The following PDZRN3 variants were observed in gnomAD, a reference collection of about 807,000 sequenced individuals.
PDZRN3 encodes E3 ubiquitin-protein ligase PDZRN3.
A neutral mutation model predicts 85.7 loss-of-function variants in PDZRN3; 38 were observed. The ratio of observed to expected loss-of-function variants is 0.44; its 90% CI spans 0.34 to 0.58. The LOEUF is 0.58. PDZRN3 is among the 20% of genes least tolerant of loss of function. The pLI is 0.01. For missense variants in PDZRN3, 1,629 were observed against 1,506.4 expected (o/e 1.08, Z -1.35); for synonymous variants, 759 against 638.0 (o/e 1.19, Z -2.86).
rs372786175 is a variant in PDZRN3 at position 73,435,897 on chromosome 3, C to T, written c.919-31502G>A. The stretch of plus-strand genomic sequence containing the variant: ...TGAAACCCAAATTCTTCACCAGCGC[C>T]TATAGTGCTCTGTAAAATCTCACCT... On this transcript the variant is annotated intron_variant, in intron 3 of 9. Transcript: ENST00000263666. Among the ~76,000 whole-genome samples the T allele has an allele frequency of 8.5e-5, 13 of 152,318 alleles. No individual in the cohort carries two copies. In the East Asian group the frequency reaches 2.3e-3, roughly 27 times the overall value.
intron 3 of PDZRN3, among the ~76,000 whole-genome samples, chr3:73,582,496 GT>G (rs1342064244): frequency 3.3e-5 from 5 of 151,862 alleles, no homozygotes; most frequent in Admixed American, 3.3e-4. Flanking sequence ...AAAACAAAAT[GT>G]ATATTTTATA....
In PDZRN3 at chr3:73,400,984, C is replaced by T. The variant is rs1027129073; in HGVS notation, c.1192G>A (p.Asp398Asn). 8 of 1,613,200 alleles carry T rather than the reference C, an allele frequency of 5.0e-6. No homozygotes were observed. The African/African-American group carries it at 9.3e-5, about 19-fold the overall frequency. Reference protein sequence around the residue: ...EEHPSAHEYYDPNDYIGDIHQ... With the variant: ...EEHPSAHEYYNPNDYIGDIHQ... ...ATGTCTCCAATGTAGTCATTTGGATCGTAGTATTCATGGGCTGAGGGATGC... is the reference window on the plus strand; with the variant it reads ...ATGTCTCCAATGTAGTCATTTGGATTGTAGTATTCATGGGCTGAGGGATGC... Residue 398 changes from aspartate to asparagine, a missense_variant, in exon 5 of 10, where the codon GAT becomes AAT. Coordinates refer to ENST00000263666, the MANE Select transcript of PDZRN3 (RefSeq NM_015009.3).
At chr3:73,436,770 G>A (rs1157264049) in intron 3 of PDZRN3, among the ~76,000 whole-genome samples, 1 of 152,112 alleles carries the variant, frequency 6.6e-6, no homozygotes, top group African/African-American at 2.4e-5. Flanking sequence ...AGAACCGGCC[G>A]GGTGCAGTGG....
At chr3:73,488,547 T>A (rs1165144844) in intron 3 of PDZRN3, among the ~76,000 whole-genome samples, 1 of 152,178 alleles carries the variant, frequency 6.6e-6, no homozygotes. Context: ...TGACTTGTCA[T>A]CCAAGAAGCC....
chr3:73,608,416 T>C (rs995141092), intron 2 of PDZRN3, among the ~76,000 whole-genome samples, 182 bp downstream of exon 2: 13 of 152,196 alleles, frequency 8.5e-5, no homozygotes, highest in Non-Finnish European at 1.6e-4. Flanking sequence ...AATGCTGTTT[T>C]AGGAGACTAC....
intron 5 of PDZRN3, among the ~76,000 whole-genome samples, chr3:73,392,150 C>A (rs141608317): frequency 6.6e-6 from 1 of 152,200 alleles, no homozygotes; most frequent in East Asian, 1.9e-4. Flanking sequence ...GGGTGCCAGG[C>A]GCCACGGACA....
chr3:73,586,288 C>T (rs952690437), intron 3 of PDZRN3, among the ~76,000 whole-genome samples: 13 of 152,180 alleles, frequency 8.5e-5, no homozygotes, highest in African/African-American at 3.1e-4. Context: ...GGACAGCTGG[C>T]AGATTCCACC....
intron 3 of PDZRN3, among the ~76,000 whole-genome samples, chr3:73,421,053 T>C (rs1479036585): frequency 1.3e-5 from 2 of 152,206 alleles, no homozygotes; most frequent in African/African-American, 4.8e-5. Context: ...TGTGGCAAAT[T>C]CAAGTTTTGC....
chr3:73,562,980 AAAT>A lies in PDZRN3; in HGVS notation c.918+39371_918+39373del, dbSNP rs1375456933. On this transcript the variant is annotated intron_variant, in intron 3 of 9. Transcript: ENST00000263666. ...ATTTAACCATGGGCTGCAAGTTGGCAAATTATATATATATATATATATATATAT... is the reference window on the plus strand; with the variant it reads ...ATTTAACCATGGGCTGCAAGTTGGCATATATATATATATATATATATATAT... Among the ~76,000 whole-genome samples, 75 of 47,390 alleles carry A rather than the reference AAAT, an allele frequency of 1.6e-3. 2 individuals carry two copies. Among genetic ancestry groups the A allele is most frequent in the Non-Finnish European group, 2.2e-3 (56 of 25,878 alleles). The allele number at this position is 47,390 out of a possible 152,430, so 31.1% of individuals were successfully genotyped here.
Position 73,624,391 on chromosome 3 carries a change from G to A in PDZRN3, c.435C>T (p.Gly145=). ...DARPVGRCQE[G]CGLPLTHGEQ... ...CGCCGTGCGTCAAGGGTAGCCCGCA[G>A]CCCTCCTGGCAGCGGCCCACTGGCC... The change falls in exon 1 of 10, where the codon GGC becomes GGT. Residue 145 remains glycine (G), a synonymous_variant. Transcript: ENST00000263666. The A allele has an allele frequency of 1.5e-6, 2 of 1,307,206 alleles. No homozygotes were observed. Among genetic ancestry groups the A allele is most frequent in the South Asian group, 2.2e-5 (1 of 45,716 alleles). The allele number at this position is 1,307,206 out of a possible 1,614,324, so 81.0% of individuals were successfully genotyped here. A position where few individuals can be genotyped will look rare whatever the true frequency, so the allele number is the denominator to read the frequency against.
At chr3:73,434,833 T>C (rs1336283336) in intron 3 of PDZRN3, among the ~76,000 whole-genome samples, 3 of 152,240 alleles carry the variant, frequency 2.0e-5, no homozygotes, top group African/African-American at 7.2e-5. Flanking sequence ...TTAAGAATTT[T>C]GGTTCTTGCT....
chr3:73,408,370 G>A, intron 3 of PDZRN3: 1 of 604,628 alleles, frequency 1.7e-6, no homozygotes, highest in South Asian at 2.0e-5. Flanking sequence ...AGACTCCAGT[G>A]CTCGTGGGGA....
intron 3 of PDZRN3, among the ~76,000 whole-genome samples, chr3:73,442,889 G>A (rs1702669804): frequency 1.3e-5 from 2 of 152,112 alleles, no homozygotes; most frequent in African/African-American, 2.4e-5. Flanking sequence ...AAGGTGCCTA[G>A]GTCCCTGTGG....
intron 3 of PDZRN3, among the ~76,000 whole-genome samples, chr3:73,520,425 G>A (rs928478243): frequency 6.6e-6 from 1 of 152,098 alleles, no homozygotes; most frequent in Non-Finnish European, 1.5e-5. Flanking sequence ...GAACGCTTGA[G>A]CCCGGGAAGC....
chr3:73,534,478 T>A (rs1198421027), intron 3 of PDZRN3, among the ~76,000 whole-genome samples: 1 of 152,230 alleles, frequency 6.6e-6, no homozygotes, highest in African/African-American at 2.4e-5. Context: ...TGATTTTTGT[T>A]ATTTTAACAC....
intron 3 of PDZRN3, among the ~76,000 whole-genome samples, chr3:73,573,370 T>C (rs929681008): frequency 6.6e-6 from 1 of 152,208 alleles, no homozygotes; most frequent in African/African-American, 2.4e-5. Flanking sequence ...TCCTCTAAGA[T>C]GAAATCTAGC....
intron 3 of PDZRN3, among the ~76,000 whole-genome samples, chr3:73,562,593 C>T (rs1166479584): frequency 6.6e-6 from 1 of 152,098 alleles, no homozygotes; most frequent in Non-Finnish European, 1.5e-5. Context: ...CAAGGTCAGC[C>T]CCGTTAAATG....
At chr3:73,545,600 T>C (rs1303724151) in intron 3 of PDZRN3, among the ~76,000 whole-genome samples, 4 of 152,122 alleles carry the variant, frequency 2.6e-5, no homozygotes, top group African/African-American at 4.8e-5. Context: ...CTATGAGGAA[T>C]TGCCAATGTC....
At chr3:73,617,737 G>A (rs1337311393) in intron 1 of PDZRN3, among the ~76,000 whole-genome samples, 1 of 151,780 alleles carries the variant, frequency 6.6e-6, no homozygotes, top group Non-Finnish European at 1.5e-5. Context: ...GTCTCACTCT[G>A]TTGCCCAGGC....
Sources: gnomAD v4.1 joint callset for allele counts (sites outside exome capture counted in the v4.1 genomes callset) on GRCh38, gnomAD v4.1.1 for gene constraint, MANE v1.5 for transcripts, NCBI Gene and HGNC (gene_info 2026-07-23, HGNC 2026-07-21) for gene names.